VPS53: variants seen among roughly 807,000 people sequenced by gnomAD.
VPS53 encodes vacuolar protein sorting-associated protein 53 homolog.
A neutral mutation model predicts 107.0 loss-of-function variants in VPS53; 70 were observed. That is an observed-to-expected ratio of 0.65 (90% CI 0.54 to 0.80). The LOEUF is 0.80. VPS53 is among the 30% of genes least tolerant of loss of function. The probability of loss-of-function intolerance (pLI) is 0.00; values close to 1 mark genes in which losing one functional copy is unlikely to be tolerated. For missense variants in VPS53, 917 were observed against 1,049.4 expected, an observed-to-expected ratio of 0.87 and a Z score of 1.74; for synonymous variants, 409 against 393.3, an observed-to-expected ratio of 1.04 and a Z score of -0.47.
intron 4 of VPS53, among the ~76,000 whole-genome samples, chr17:685,739 C>T (rs182909406): frequency 6.6e-6 from 1 of 152,140 alleles, no homozygotes; most frequent in Non-Finnish European, 1.5e-5. Context: ...GTGGCTTGCA[C>T]CTGTAATTCC....
chr17:611,980 A>G (rs1345357101), intron 11 of VPS53, among the ~76,000 whole-genome samples: 1 of 152,222 alleles, frequency 6.6e-6, no homozygotes, highest in African/African-American at 2.4e-5. Context: ...AAACCTGTAC[A>G]GATATTCACA....
Position 700,065 on chromosome 17 carries a change from T to C in VPS53, c.169-685A>G, listed in dbSNP as rs928358462. 7.2e-5 allele frequency among the ~76,000 whole-genome samples: 11 copies of C among 152,284 alleles called. 1 individual carries two copies. Among genetic ancestry groups the C allele is most frequent in the African/African-American group, 2.4e-4 (10 of 41,554 alleles). On this transcript the variant is annotated intron_variant, in intron 2 of 21. Coordinates refer to ENST00000437048, the MANE Select transcript of VPS53 (RefSeq NM_001128159.3). ...CTTCATCAAGTTGTACCCTTAAGAT[T>C]TGTGTACTCCTCTGTATTATGTTAT...
At chr17:659,987 C>T (rs1035978888) in intron 5 of VPS53, among the ~76,000 whole-genome samples, 4 of 152,330 alleles carry the variant, frequency 2.6e-5, no homozygotes, top group Admixed American at 6.5e-5. Flanking sequence ...CAAACCTACA[C>T]GAGATCATCT....
intron 12 of VPS53, among the ~76,000 whole-genome samples, chr17:594,534 C>T (rs1967855262): frequency 6.7e-6 from 1 of 148,658 alleles, no homozygotes; most frequent in Non-Finnish European, 1.5e-5. Flanking sequence ...CTAGTGTCCC[C>T]CCTGGAGGAA....
intron 11 of VPS53, among the ~76,000 whole-genome samples, chr17:622,400 A>T (rs1182338964): frequency 6.9e-6 from 1 of 144,458 alleles, no homozygotes; most frequent in Non-Finnish European, 1.5e-5. Context: ...AAAAAAAAAA[A>T]CAAATCTAGC....
chr17:521,320 T>G (rs938138148), intron 20 of VPS53, among the ~76,000 whole-genome samples: 2 of 152,152 alleles, frequency 1.3e-5, no homozygotes, highest in East Asian at 3.8e-4. Flanking sequence ...CATACACTGA[T>G]TCACAGTGGC....
Position 572,357 on chromosome 17 carries a change from G to A in VPS53, c.1314-9612C>T, listed in dbSNP as rs558599235. Among the ~76,000 whole-genome samples, 9 of 149,370 alleles carry A rather than the reference G, an allele frequency of 6.0e-5. No homozygotes were observed. The South Asian group carries it at 6.4e-4, about 11-fold the overall frequency. On this transcript the variant is annotated intron_variant, in intron 13 of 21. Coordinates refer to ENST00000437048, the MANE Select transcript of VPS53 (RefSeq NM_001128159.3). ...AGCCCCTCCGCCCGGCAGCCGCCCC[G>A]TCTGAGAAGTGAGGAGCGTCTCCGC...
At chr17:521,384 A>C (rs796197232) in intron 20 of VPS53, among the ~76,000 whole-genome samples, 6 of 152,318 alleles carry the variant, frequency 3.9e-5, no homozygotes, top group African/African-American at 1.4e-4. Context: ...ATCCCACGCC[A>C]ACAAGAAATT....
intron 2 of VPS53, 152 bp from the exon 3 acceptor site, chr17:699,532 G>A: frequency 3.8e-6 from 2 of 525,902 alleles, no homozygotes; most frequent in Non-Finnish European, 6.2e-6. Flanking sequence ...AAAAAGTAAA[G>A]CAGTAGTTGG....
chr17:584,546 T>C (rs1967215991), intron 13 of VPS53, among the ~76,000 whole-genome samples: 1 of 152,200 alleles, frequency 6.6e-6, no homozygotes. Flanking sequence ...TCTTTTTTTC[T>C]TTTGAGACGA....
chr17:583,564 TC>T (rs1319227930), intron 13 of VPS53, among the ~76,000 whole-genome samples: 16 of 148,796 alleles, frequency 1.1e-4, no homozygotes, highest in Admixed American at 6.7e-4. Flanking sequence ...CCAGGGAACT[TC>T]CATCAGAACC....
chr17:647,698 C>T (rs1970764420), intron 7 of VPS53, among the ~76,000 whole-genome samples: 1 of 151,990 alleles, frequency 6.6e-6, no homozygotes, highest in Non-Finnish European at 1.5e-5. Flanking sequence ...GAAAGGGTGG[C>T]GATTTCCCTA....
At chr17:628,739 C>A (rs769841949) in intron 8 of VPS53, among the ~76,000 whole-genome samples, 24 of 152,176 alleles carry the variant, frequency 1.6e-4, no homozygotes, top group Non-Finnish European at 3.1e-4. Flanking sequence ...TCCCTTAACA[C>A]ATAAAACCAG....
intron 17 of VPS53, among the ~76,000 whole-genome samples, chr17:546,606 GAGA>G (rs1255607696): frequency 1.2e-4 from 18 of 152,232 alleles, no homozygotes; most frequent in African/African-American, 4.3e-4. Context: ...AGTAGCATCT[GAGA>G]AGGTGATCAA....
chr17:525,398 T>A (rs563099197), intron 19 of VPS53, among the ~76,000 whole-genome samples: 1 of 152,074 alleles, frequency 6.6e-6, no homozygotes, highest in African/African-American at 2.4e-5. Flanking sequence ...ATAAAAATGA[T>A]CTAAAGCAGG....
In VPS53 at chr17:537,045, G is replaced by A. The variant is rs1481652655; in HGVS notation, c.1998C>T (p.Phe666=). Residue 666 remains phenylalanine, a synonymous_variant, in exon 18 of 22, where the codon TTC becomes TTT. Transcript: ENST00000437048. ...LASTRKYFTQ[F]CVKFANSFIP... is the part of the protein sequence containing the mutation. ...GGACTTACTTTGCAAATTTAACGCAGAACTGAGTGAAGTACTTGCGTGTGG... is the reference window on the plus strand; with the variant it reads ...GGACTTACTTTGCAAATTTAACGCAAAACTGAGTGAAGTACTTGCGTGTGG... 5.6e-6 allele frequency: 9 copies of A among 1,614,072 alleles called. No homozygotes were observed. Among genetic ancestry groups the A allele is most frequent in the Non-Finnish European group, 7.6e-6 (9 of 1,180,030 alleles).
Position 581,285 on chromosome 17 carries a change from A to AC in VPS53, c.1313+4984dup, listed in dbSNP as rs1392521238. ...TCGTTTCCAGAGAACCTCCCTCAGG[A>AC]CCTCAATGCGTTCCCAGAGAACCCC... On this transcript the variant is annotated intron_variant, in intron 13 of 21. Coordinates refer to ENST00000437048, the MANE Select transcript of VPS53 (RefSeq NM_001128159.3). Among the ~76,000 whole-genome samples the AC allele has an allele frequency of 5.3e-5, 8 of 151,122 alleles. No homozygotes were observed. In the East Asian group the frequency reaches 1.6e-3, roughly 30 times the overall value.
intron 17 of VPS53, among the ~76,000 whole-genome samples, chr17:550,621 T>C (rs1198240410): frequency 2.6e-5 from 4 of 152,198 alleles, no homozygotes; most frequent in Non-Finnish European, 5.9e-5. Flanking sequence ...TGCATGTTAC[T>C]TGGGTTTAGC....
chr17:640,519 T>C (rs1244632354), intron 7 of VPS53, among the ~76,000 whole-genome samples: 2 of 152,160 alleles, frequency 1.3e-5, no homozygotes, highest in Non-Finnish European at 2.9e-5. Flanking sequence ...ACTAGAGCTG[T>C]TCCTATTCAG....
Sources: gnomAD v4.1 joint callset for allele counts (sites outside exome capture counted in the v4.1 genomes callset) on GRCh38, gnomAD v4.1.1 for gene constraint, MANE v1.5 for transcripts, NCBI Gene and HGNC (gene_info 2026-07-23, HGNC 2026-07-21) for gene names.